CAMTA1: variants seen among roughly 807,000 people sequenced by gnomAD.
CAMTA1 encodes the protein calmodulin binding transcription activator 1.
In CAMTA1, 27 loss-of-function variants were observed where a neutral mutation model predicts 170.9. The ratio of observed to expected loss-of-function variants is 0.16; its 90% CI spans 0.12 to 0.22. The LOEUF (loss-of-function observed/expected upper bound fraction) is 0.22. Ranked by LOEUF, CAMTA1 falls within the 10% of genes least tolerant of loss-of-function variation. CAMTA1 has a pLI of 1.00. For synonymous variants in CAMTA1, 833 were observed against 891.5 expected (o/e 0.93, Z 1.17); for missense variants, 1,619 against 2,217.2 (o/e 0.73, Z 5.42).
chr1:7,072,197 A>C (rs1370463492), intron 3 of CAMTA1, among the ~76,000 whole-genome samples: 1 of 152,140 alleles, frequency 6.6e-6, no homozygotes, highest in East Asian at 1.9e-4. Flanking sequence ...ATCTTATTTC[A>C]GATACTTGGT....
chr1:7,411,276 T>G (rs1040154881), intron 5 of CAMTA1, among the ~76,000 whole-genome samples: 28 of 152,256 alleles, frequency 1.8e-4, no homozygotes, highest in African/African-American at 5.8e-4. Context: ...GGGGTCCCCC[T>G]CTTTGGCGCA....
At chr1:7,758,071 C>T (rs1289965252) in intron 22 of CAMTA1, among the ~76,000 whole-genome samples, 1 of 152,056 alleles carries the variant, frequency 6.6e-6, no homozygotes, top group Non-Finnish European at 1.5e-5. Context: ...TAAAAAACCT[C>T]CAAGAGAATA....
chr1:7,523,517 C>T (rs2094392680), intron 6 of CAMTA1, among the ~76,000 whole-genome samples: 1 of 152,188 alleles, frequency 6.6e-6, no homozygotes, highest in Non-Finnish European at 1.5e-5. Context: ...CTTTGATTTT[C>T]CTCCATTGGC....
rs1685058635 is a variant in CAMTA1, at chr1:6,934,929, C to T, written c.234+109719C>T. Among the ~76,000 whole-genome samples the T allele has an allele frequency of 6.6e-6, 1 of 152,194 alleles. No individual in the cohort carries two copies. Among genetic ancestry groups the T allele is most frequent in the South Asian group, 2.1e-4 (1 of 4,834 alleles). On this transcript the variant is annotated intron_variant, in intron 3 of 22. Transcript: ENST00000303635. This position sits in a 1 kb window ranked among gnomAD's most constrained non-coding sequence, Gnocchi z 4.5. Reference sequence around the variant, plus strand: ...TTAGGCCAGTCGAAAGCACCTAACTCAGACCACAGGCAGCAAGAGCAACAG... The same window carrying T: ...TTAGGCCAGTCGAAAGCACCTAACTTAGACCACAGGCAGCAAGAGCAACAG...
chr1:7,276,416 TCTC>T (rs781074150), intron 5 of CAMTA1, among the ~76,000 whole-genome samples: 27 of 149,776 alleles, frequency 1.8e-4, no homozygotes, highest in Non-Finnish European at 4.4e-5. Context: ...TTCAAGCAAT[TCTC>T]CTGCCTCTAG....
intron 5 of CAMTA1, among the ~76,000 whole-genome samples, chr1:7,313,522 G>C (rs1351541107): frequency 6.6e-6 from 1 of 152,144 alleles, no homozygotes; most frequent in Non-Finnish European, 1.5e-5. Context: ...GCATTGGTCG[G>C]CCCTTCTCCA....
chr1:7,234,521 C>T lies in CAMTA1; in HGVS notation c.303-14970C>T, dbSNP rs373648222. ...GCAGGGCTGTGGCACCCTCAGCACC[C>T]GGCGTGAATGCTCAGCCGTGATAGC... On this transcript the variant is annotated intron_variant, in intron 4 of 22. Transcript: ENST00000303635. The surrounding 1 kb of genome is among the most constrained non-coding windows in gnomAD (Gnocchi z 5.0). 3.3e-5 allele frequency among the ~76,000 whole-genome samples: 5 copies of T among 152,300 alleles called. No individual in the cohort carries two copies. The highest frequency in any genetic ancestry group is 1.9e-4 in the East Asian group (1 of 5,174).
intron 5 of CAMTA1, among the ~76,000 whole-genome samples, chr1:7,370,914 C>CTTTTTTTTTTTTTTTTTT (rs61387662): frequency 2.7e-5 from 3 of 110,010 alleles, no homozygotes; most frequent in African/African-American, 3.5e-5. Flanking sequence ...TTCTTTCTTT[C>CTTTTTTTTTTTTTTTTTT]TTTTTTTTTT....
intron 5 of CAMTA1, among the ~76,000 whole-genome samples, chr1:7,303,874 A>G (rs1180500950): frequency 6.6e-6 from 1 of 152,204 alleles, no homozygotes; most frequent in Non-Finnish European, 1.5e-5. Context: ...CTTTCCAATT[A>G]CAACAGCAAG....
intron 3 of CAMTA1, among the ~76,000 whole-genome samples, chr1:6,864,025 G>A (rs1428383857): frequency 1.3e-5 from 2 of 152,122 alleles, no homozygotes; most frequent in Non-Finnish European, 2.9e-5. Flanking sequence ...TGGATAATGG[G>A]TTTTGGGGAA....
chr1:7,391,655 G>T (rs1164634002), intron 5 of CAMTA1, among the ~76,000 whole-genome samples: 3 of 152,114 alleles, frequency 2.0e-5, no homozygotes, highest in Non-Finnish European at 2.9e-5. Flanking sequence ...GCACCTCTTT[G>T]TCAGATAAGC....
At chr1:7,644,935 C>T (rs1478171452) in intron 7 of CAMTA1, among the ~76,000 whole-genome samples, 2 of 152,224 alleles carry the variant, frequency 1.3e-5, no homozygotes, top group Admixed American at 6.5e-5. Flanking sequence ...CCATCTCAGT[C>T]CAAGGCCTGG....
intron 3 of CAMTA1, among the ~76,000 whole-genome samples, chr1:6,847,811 C>T (rs1658841626): frequency 6.6e-6 from 1 of 150,998 alleles, no homozygotes; most frequent in Admixed American, 6.6e-5. Context: ...TCAAGTGATT[C>T]TTCTGTCTCA....
intron 5 of CAMTA1, among the ~76,000 whole-genome samples, chr1:7,278,218 C>T (rs1369760768): frequency 3.3e-5 from 5 of 152,202 alleles, no homozygotes; most frequent in Non-Finnish European, 7.3e-5. Flanking sequence ...ACATGCCCCA[C>T]CCCACAGGAC....
intron 4 of CAMTA1, among the ~76,000 whole-genome samples, chr1:7,161,076 C>G (rs1393201184): frequency 6.6e-6 from 1 of 152,222 alleles, no homozygotes; most frequent in Non-Finnish European, 1.5e-5. Flanking sequence ...CTACTTCATT[C>G]TATAAACCTC....
At chr1:7,528,802 G>GATGAATGA (rs3033702) in intron 6 of CAMTA1, among the ~76,000 whole-genome samples, 6,975 of 148,456 alleles carry the variant, frequency 0.047, 199 homozygotes, top group East Asian at 0.11. Flanking sequence ...TGAAAGGATG[G>GATGAATGA]ATGAATGAAT....
chr1:7,127,855 C>T (rs1645022765), intron 4 of CAMTA1, among the ~76,000 whole-genome samples: 1 of 152,196 alleles, frequency 6.6e-6, no homozygotes, highest in Non-Finnish European at 1.5e-5. Flanking sequence ...TTAGGAAGGC[C>T]TCTTGCAACT....
intron 5 of CAMTA1, among the ~76,000 whole-genome samples, chr1:7,332,329 G>A (rs759868653): frequency 2.6e-5 from 4 of 152,098 alleles, no homozygotes; most frequent in South Asian, 2.1e-4. Context: ...ATGTTTTGTC[G>A]GTAAACAAAA....
At chr1:7,760,810 C>T (rs796954089) in intron 22 of CAMTA1, among the ~76,000 whole-genome samples, 11 of 152,284 alleles carry the variant, frequency 7.2e-5, no homozygotes, top group African/African-American at 2.6e-4. Context: ...CATCCGCTGC[C>T]CTGTCTATTT....
Sources: allele counts gnomAD v4.1 joint callset (sites outside exome capture counted in the v4.1 genomes callset), GRCh38; gene constraint gnomAD v4.1.1; non-coding constraint Gnocchi (gnomAD v3.1); transcripts MANE v1.5; gene names NCBI Gene and HGNC (gene_info 2026-07-23, HGNC 2026-07-21).